Variants in LAMA3 observed in about 807,000 individuals in gnomAD.
The protein encoded by LAMA3 is laminin subunit alpha 3.
LAMA3 carries 281 observed loss-of-function variants against 402.0 expected under a neutral mutation model. The ratio of observed to expected loss-of-function variants is 0.70; its 90% CI spans 0.63 to 0.77. LAMA3 has a LOEUF of 0.77. Ranked by LOEUF, LAMA3 falls within the 30% of genes least tolerant of loss-of-function variation. The pLI is 0.00. For synonymous variants in LAMA3, 1,431 were observed against 1,558.4 expected (o/e 0.92, Z 1.93); for missense variants, 3,840 against 4,215.5 (o/e 0.91, Z 2.47).
intron 23 of LAMA3, among the ~76,000 whole-genome samples, chr18:23,831,586 C>T (rs2063491687): frequency 6.6e-6 from 1 of 152,176 alleles, no homozygotes; most frequent in Non-Finnish European, 1.5e-5. Flanking sequence ...TACACCTCTG[C>T]AGAACATTAT....
intron 18 of LAMA3, among the ~76,000 whole-genome samples, chr18:23,818,694 A>G (rs956098025): frequency 2.0e-5 from 3 of 152,224 alleles, no homozygotes; most frequent in Non-Finnish European, 2.9e-5. Context: ...TCATTTCTCT[A>G]CCCAGAGATA....
intron 12 of LAMA3, among the ~76,000 whole-genome samples, chr18:23,790,628 T>G (rs972391173): frequency 6.6e-6 from 1 of 152,208 alleles, no homozygotes; most frequent in Non-Finnish European, 1.5e-5. Flanking sequence ...TTTCAAATAG[T>G]TATAACCTGA....
In LAMA3 at chr18:23,703,658, G is replaced by GGT. The variant is rs531793037; in HGVS notation, c.295-10247_295-10246dup. Among the ~76,000 whole-genome samples the GGT allele has an allele frequency of 5.8e-3, 882 of 151,558 alleles. 2 individuals are homozygous for GGT. Among genetic ancestry groups the GGT allele is most frequent in the African/African-American group, 0.012 (497 of 41,260 alleles). On this transcript the variant is annotated intron_variant, in intron 1 of 74. Coordinates refer to ENST00000313654, the MANE Select transcript of LAMA3 (RefSeq NM_198129.4). ...AAGTATAATAATAATTAAAAAAAAAGGTGTGTGTGTGTGTGTTTAAATACC... is the reference window on the plus strand; with the variant it reads ...AAGTATAATAATAATTAAAAAAAAAGGTGTGTGTGTGTGTGTGTTTAAATACC...
chr18:23,798,387 C>T (rs539825564), intron 12 of LAMA3, among the ~76,000 whole-genome samples: 2 of 152,316 alleles, frequency 1.3e-5, no homozygotes, highest in South Asian at 4.1e-4. Flanking sequence ...TCCGGTCTTT[C>T]TTTAGAAAAG....
chr18:23,946,179 G>A lies in LAMA3; in HGVS notation c.9246G>A (p.Leu3082=), dbSNP rs2082705074. Residue 3082 remains leucine (L), a synonymous_variant, in exon 70 of 75, where the codon TTG becomes TTA. Coordinates refer to ENST00000313654, the MANE Select transcript of LAMA3 (RefSeq NM_198129.4). ...GCCATGATGGGGAAAAGGGGCGCTT[G>A]GTTGTGGATGGACTGAGGGCCCGGG... ...VFGHDGEKGR[L]VVDGLRAREG... The A allele has an allele frequency of 6.2e-7, 1 of 1,614,064 alleles. No homozygotes were observed. Among genetic ancestry groups the A allele is most frequent in the Non-Finnish European group, 8.5e-7 (1 of 1,179,956 alleles).
At chr18:23,953,135 T>C (rs780684450) in intron 74 of LAMA3, 26 bp downstream of exon 74, 1 of 1,612,800 alleles carries the variant, frequency 6.2e-7, no homozygotes, top group Non-Finnish European at 8.5e-7. Flanking sequence ...ACTTCTATAA[T>C]GTGTTGCCCT....
intron 2 of LAMA3, among the ~76,000 whole-genome samples, chr18:23,729,435 A>G (rs2061354749): frequency 6.6e-6 from 1 of 152,206 alleles, no homozygotes; most frequent in African/African-American, 2.4e-5. Context: ...GAACACACTG[A>G]AGACATAATG....
intron 64 of LAMA3, among the ~76,000 whole-genome samples, chr18:23,930,670 C>A (rs1349647587): frequency 6.6e-6 from 1 of 151,956 alleles, no homozygotes; most frequent in Non-Finnish European, 1.5e-5. Context: ...ATCGCTTGAG[C>A]CTGGAACAGT....
At chr18:23,759,057 T>G (rs1225748068) in intron 7 of LAMA3, among the ~76,000 whole-genome samples, 6 of 152,056 alleles carry the variant, frequency 3.9e-5, no homozygotes. Flanking sequence ...TTTTTTTTGT[T>G]TTTGTTTTTT....
rs369499218 is a variant in LAMA3, at chr18:23,721,919, C to T, written c.447+7847C>T. 2.6e-5 allele frequency among the ~76,000 whole-genome samples: 4 copies of T among 152,324 alleles called. No individual in the cohort carries two copies. The South Asian group carries it at 6.2e-4, about 24-fold the overall frequency. ...GTCTTCCAAGGGTCTACCTATCAAT[C>T]AATCTTCTCATTACTACCAGCGCAA... On this transcript the variant is annotated intron_variant, in intron 2 of 74. Transcript: ENST00000313654.
chr18:23,920,817 C>T, intron 60 of LAMA3, 118 bp from the exon 61 acceptor site: 1 of 1,237,564 alleles, frequency 8.1e-7, no homozygotes, highest in Non-Finnish European at 1.2e-6. Flanking sequence ...TATCCCTTTT[C>T]ACTGAGGCAG....
At position 23,833,693 on chromosome 18, in the gene LAMA3, A is replaced by G. The variant is rs1598883160; in HGVS notation, c.2824-135A>G. On this transcript the variant is annotated intron_variant, in intron 23 of 74. Transcript: ENST00000313654. ...ATCTGGCATCTCAACCTGTAGGACC[A>G]TATTCCTTACTGGGATGACATATAA... 5.4e-6 allele frequency: 5 copies of G among 921,494 alleles called. No individual in the cohort carries two copies. In the East Asian group the frequency reaches 1.2e-4, roughly 22 times the overall value. 57.1% of individuals were successfully genotyped at this position (921,494 alleles called of 1,614,324 possible).
At chr18:23,722,013 A>G (rs1340232669) in intron 2 of LAMA3, among the ~76,000 whole-genome samples, 1 of 152,226 alleles carries the variant, frequency 6.6e-6, no homozygotes, top group East Asian at 1.9e-4. Context: ...CTTTTGGAAT[A>G]AGGTCCAAGT....
At chr18:23,802,158 G>A (rs1030536779) in intron 12 of LAMA3, among the ~76,000 whole-genome samples, 3 of 152,136 alleles carry the variant, frequency 2.0e-5, no homozygotes, top group African/African-American at 7.2e-5. Context: ...TTTGGATTTT[G>A]AATATTCAAA....
intron 32 of LAMA3, among the ~76,000 whole-genome samples, chr18:23,849,865 C>T (rs961375732): frequency 3.3e-5 from 5 of 152,138 alleles, no homozygotes; most frequent in Admixed American, 6.5e-5. Context: ...AATGGGATAA[C>T]GCATCTTCCC....
intron 17 of LAMA3, 96 bp from the exon 18 acceptor site, chr18:23,816,292 C>T: frequency 1.1e-6 from 1 of 879,906 alleles, no homozygotes; most frequent in Admixed American, 1.9e-5. Context: ...GGCACTGTGT[C>T]ACTGGGATGG....
At chr18:23,893,452 G>A (rs2080762884) in intron 42 of LAMA3, among the ~76,000 whole-genome samples, 1 of 151,936 alleles carries the variant, frequency 6.6e-6, no homozygotes, top group South Asian at 2.1e-4. Flanking sequence ...GCATGGTGGT[G>A]CGCGCCTGTA....
intron 66 of LAMA3, 41 bp from the exon 67 acceptor site, chr18:23,933,741 T>TC (rs777065324): frequency 1.2e-6 from 2 of 1,610,992 alleles, no homozygotes; most frequent in Non-Finnish European, 1.7e-6. Flanking sequence ...CCTCGACATG[T>TC]CCAAGTTTGG....
At chr18:23,843,980 C>G (rs2063759766) in intron 29 of LAMA3, among the ~76,000 whole-genome samples, 1 of 152,182 alleles carries the variant, frequency 6.6e-6, no homozygotes, top group Non-Finnish European at 1.5e-5. Flanking sequence ...TTCTGCAAAG[C>G]CCTCCAGGAA....
Sources: gnomAD v4.1 joint callset for allele counts (sites outside exome capture counted in the v4.1 genomes callset) on GRCh38, gnomAD v4.1.1 for gene constraint, MANE v1.5 for transcripts, NCBI Gene and HGNC (gene_info 2026-07-23, HGNC 2026-07-21) for gene names.